Variants in ARFIP2 observed in about 807,000 individuals in gnomAD.
ARFIP2 encodes arfaptin-2.
A neutral mutation model predicts 39.2 loss-of-function variants in ARFIP2; 14 were observed. The observed-to-expected ratio is 0.36, with a 90% CI of 0.24 to 0.56. The LOEUF is 0.56. Ranked by LOEUF, ARFIP2 falls within the 20% of genes least tolerant of loss-of-function variation. ARFIP2 has a pLI of 0.85. For missense variants in ARFIP2, 305 were observed against 422.5 expected, an observed-to-expected ratio of 0.72 and a Z score of 2.44; for synonymous variants, 167 against 172.4, an observed-to-expected ratio of 0.97 and a Z score of 0.24.
At position 6,477,078 on chromosome 11, in the gene ARFIP2, G is replaced by A; in HGVS notation, c.*35C>T. On this transcript the variant is annotated 3_prime_UTR_variant, in exon 8 of 8. Coordinates refer to ENST00000396777, the MANE Select transcript of ARFIP2 (RefSeq NM_001376558.2). This position sits in a 1 kb window ranked among gnomAD's most constrained non-coding sequence, Gnocchi z 4.8. Reference sequence around the variant, plus strand: ...ACACCCTGGGGCTGCCCTTCCCAATGTCTTTCTTGATAGCCAAGTTGGGCT... The same window carrying A: ...ACACCCTGGGGCTGCCCTTCCCAATATCTTTCTTGATAGCCAAGTTGGGCT... 1.3e-6 allele frequency: 2 copies of A among 1,588,956 alleles called. No individual in the cohort carries two copies. The highest frequency in any genetic ancestry group is 1.7e-6 in the Non-Finnish European group (2 of 1,163,904).
In ARFIP2 at chr11:6,477,573, C is replaced by G. The variant is rs1049305924; in HGVS notation, c.870+145G>C. The G allele has an allele frequency of 1.2e-4, 116 of 951,856 alleles. No homozygotes were observed. The highest frequency in any genetic ancestry group is 1.6e-4 in the Non-Finnish European group (105 of 655,156). 59.0% of individuals were successfully genotyped at this position (951,856 alleles called of 1,614,324 possible). ...GGCCAGGAATTGGAGGGAGGGTGAT[C>G]TGGAAAGGCCCAGGGGTTGAGGGGG... On this transcript the variant is annotated intron_variant, in intron 7 of 7. Transcript: ENST00000396777. This position sits in a 1 kb window ranked among gnomAD's most constrained non-coding sequence, Gnocchi z 4.8.
In ARFIP2 at chr11:6,477,912, G is replaced by C. The variant is rs748735735; in HGVS notation, c.696-20C>G. 6.2e-7 allele frequency: 1 copy of C among 1,613,034 alleles called. No homozygotes were observed. On this transcript the variant is annotated intron_variant, in intron 6 of 7. Transcript: ENST00000396777. The surrounding 1 kb of genome is among the most constrained non-coding windows in gnomAD (Gnocchi z 4.8). ...TCCAGCCTGGGGAGGGGGTGATAAAGGCTGGTCTCCACTCCTTTATCCTCA... is the reference window on the plus strand; with the variant it reads ...TCCAGCCTGGGGAGGGGGTGATAAACGCTGGTCTCCACTCCTTTATCCTCA...
chr11:6,479,481 G>C, intron 3 of ARFIP2: 1 of 742,560 alleles, frequency 1.3e-6, no homozygotes, highest in Non-Finnish European at 2.2e-6. Flanking sequence ...GGGGTTTGCA[G>C]GGAGTTGTTG....
At chr11:6,480,566 C>T in intron 1 of ARFIP2, 103 bp from the exon 2 acceptor site, 1 of 619,126 alleles carries the variant, frequency 1.6e-6, no homozygotes, top group Non-Finnish European at 2.7e-6. Context: ...TTGAGTGTCC[C>T]AGCGTTTGGC....
chr11:6,479,306 C>T, intron 3 of ARFIP2, 48 bp from the exon 4 acceptor site: 1 of 1,613,266 alleles, frequency 6.2e-7, no homozygotes, highest in Non-Finnish European at 8.5e-7. Context: ...ATACACCAGA[C>T]ACCTCTGTGG....
chr11:6,479,285 G>A, intron 3 of ARFIP2, 27 bp from the exon 4 acceptor site: 1 of 1,613,814 alleles, frequency 6.2e-7, no homozygotes, highest in Non-Finnish European at 8.5e-7. Flanking sequence ...TCTGACACCA[G>A]CCTCTCTCAG....
At position 6,481,325 on chromosome 11, in the gene ARFIP2, G is replaced by T. The variant is rs961807308; in HGVS notation, c.-137C>A. 3.6e-6 allele frequency: 3 copies of T among 838,306 alleles called. No individual in the cohort carries two copies. Among genetic ancestry groups the T allele is most frequent in the Admixed American group, 5.0e-5 (2 of 39,632 alleles). 51.9% of individuals were successfully genotyped at this position (838,306 alleles called of 1,614,324 possible). A position where few individuals can be genotyped will look rare whatever the true frequency, so the allele number is the denominator to read the frequency against. On this transcript the variant is annotated 5_prime_UTR_variant, in exon 1 of 8. In the 5' UTR this introduces an upstream ATG that the reference lacks. Coordinates refer to ENST00000396777, the MANE Select transcript of ARFIP2 (RefSeq NM_001376558.2). Reference sequence around the variant, plus strand: ...CCGTCGCGATCCTAGCAGCAGGTCAGGGACTCGGCGGAAATGACGTCCTCT... The same window carrying T: ...CCGTCGCGATCCTAGCAGCAGGTCATGGACTCGGCGGAAATGACGTCCTCT...
intron 3 of ARFIP2, 196 bp downstream of exon 3, chr11:6,479,776 G>T: frequency 1.7e-6 from 1 of 603,274 alleles, no homozygotes; most frequent in Non-Finnish European, 2.9e-6. Flanking sequence ...CATTTCAGGG[G>T]CTAAGTGGCA....
Position 6,478,609 on chromosome 11 carries a change from T to TG in ARFIP2, c.537+128dup. ...GGCTGCCTCCACAGGTGAGTGCTGCTGGGGGTAGGGCTGGGCCCACCCTGA... is the reference window on the plus strand; with the variant it reads ...GGCTGCCTCCACAGGTGAGTGCTGCTGGGGGGTAGGGCTGGGCCCACCCTGA... On this transcript the variant is annotated intron_variant, in intron 5 of 7. Coordinates refer to ENST00000396777, the MANE Select transcript of ARFIP2 (RefSeq NM_001376558.2). This position sits in a 1 kb window ranked among gnomAD's most constrained non-coding sequence, Gnocchi z 4.8. 2 of 1,478,608 alleles carry TG rather than the reference T, an allele frequency of 1.4e-6. No individual in the cohort carries two copies. The highest frequency in any genetic ancestry group is 1.8e-6 in the Non-Finnish European group (2 of 1,113,556). 91.6% of individuals were successfully genotyped at this position (1,478,608 alleles called of 1,614,324 possible).
Position 6,479,225 on chromosome 11 carries a change from G to T in ARFIP2, c.230C>A (p.Pro77His). ...AGCCACCTCATCTCCAGGGCCAGAA[G>T]GAGTGGTGCTGTGAGATGGATGGCG... ...SGRHPSHSTT[P>H]SGPGDEVARG... The change falls in exon 4 of 8, where the codon CCT becomes CAT. Residue 77 changes from proline to histidine, a missense_variant. Transcript: ENST00000396777. 4 of 1,614,174 alleles carry T rather than the reference G, an allele frequency of 2.5e-6. No individual in the cohort carries two copies. The highest frequency in any genetic ancestry group is 1.7e-6 in the Non-Finnish European group (2 of 1,180,046).
intron 3 of ARFIP2, 169 bp downstream of exon 3, chr11:6,479,803 A>G: frequency 4.5e-6 from 3 of 667,094 alleles, no homozygotes; most frequent in Non-Finnish European, 7.7e-6. Flanking sequence ...AAATGGATGG[A>G]CAACGCTGGG....
chr11:6,480,177 A>C, intron 2 of ARFIP2, 109 bp from the exon 3 acceptor site: 1 of 1,274,586 alleles, frequency 7.8e-7, no homozygotes, highest in Non-Finnish European at 1.1e-6. Context: ...ACACAAGGGA[A>C]GTCTGCACAG....
Position 6,476,966 on chromosome 11 carries a change from T to C in ARFIP2, c.*147A>G, listed in dbSNP as rs1851137864. On this transcript the variant is annotated 3_prime_UTR_variant, in exon 8 of 8. Transcript: ENST00000396777. ...AGGCCCTCTTCCCACCATAGCAATG[T>C]GGGCAAAACTGGTGTCAGGCCCCAG... 3.3e-6 allele frequency: 3 copies of C among 921,682 alleles called. No individual in the cohort carries two copies. In the East Asian group the frequency reaches 8.1e-5, roughly 25 times the overall value. 57.1% of individuals were successfully genotyped at this position (921,682 alleles called of 1,614,324 possible).
intron 3 of ARFIP2, 25 bp downstream of exon 3, chr11:6,479,947 G>T: frequency 6.2e-7 from 1 of 1,608,346 alleles, no homozygotes; most frequent in Non-Finnish European, 8.5e-7. Context: ...CTCCACCCAA[G>T]ATTCCTGTTT....
Position 6,480,304 on chromosome 11 carries a change from A to T in ARFIP2, c.99+19T>A. The T allele has an allele frequency of 6.2e-7, 1 of 1,608,106 alleles. No individual in the cohort carries two copies. The highest frequency in any genetic ancestry group is 8.5e-7 in the Non-Finnish European group (1 of 1,176,930). ...TGGATTCCTAAATTGAAACAATTAG[A>T]AGAATCAAACAGAAGCACCTGCTCC... is the stretch of plus-strand genomic sequence containing the variant. On this transcript the variant is annotated intron_variant, in intron 2 of 7. Coordinates refer to ENST00000396777, the MANE Select transcript of ARFIP2 (RefSeq NM_001376558.2).
At position 6,478,073 on chromosome 11, in the gene ARFIP2, C is replaced by A; in HGVS notation, c.663G>T (p.Thr221=). The change falls in exon 6 of 8, where the codon ACG becomes ACT. Residue 221 remains threonine (T), a synonymous_variant. Coordinates refer to ENST00000396777, the MANE Select transcript of ARFIP2 (RefSeq NM_001376558.2). This position sits in a 1 kb window ranked among gnomAD's most constrained non-coding sequence, Gnocchi z 4.8. ...CCTCATACTGTTTCACAGTCATGAG[C>A]GTGTCTTCCATGGTCTTGGTGACCA... ...NTLVTKTMED[T]LMTVKQYEAA... 2 of 1,614,072 alleles carry A rather than the reference C, an allele frequency of 1.2e-6. No homozygotes were observed. Among genetic ancestry groups the A allele is most frequent in the South Asian group, 1.1e-5 (1 of 91,080 alleles).
At chr11:6,481,155 C>G (rs1487333711) in intron 1 of ARFIP2, 76 bp downstream of exon 1, 10 of 450,632 alleles carry the variant, frequency 2.2e-5, no homozygotes, top group Non-Finnish European at 4.0e-5. Flanking sequence ...TCATCCTTCC[C>G]CGGGGCTCGG....
In ARFIP2 at chr11:6,477,822, C is replaced by T. The variant is rs769062354; in HGVS notation, c.766G>A (p.Gly256Ser). ...SLGPRDAGTR[G>S]RLESAQATFQ... ...GTGGCCTGGGCACTCTCAAGTCGAC[C>T]ACGTGTCCCTGCATCCCGGGGGCCT... The change falls in exon 7 of 8, where the codon GGT becomes AGT. Residue 256 changes from glycine to serine, a missense_variant. By Grantham distance (56) the Gly-to-Ser change is moderately conservative (BLOSUM62 0). Around this residue, in one of 3 missense-constraint regions of ARFIP2, gnomAD observed 112 missense variants for 118.2 expected, o/e 0.95. Transcript: ENST00000396777. The surrounding 1 kb of genome is among the most constrained non-coding windows in gnomAD (Gnocchi z 4.8). 6.2e-7 allele frequency: 1 copy of T among 1,614,002 alleles called. No homozygotes were observed. Among genetic ancestry groups the T allele is most frequent in the Non-Finnish European group, 8.5e-7 (1 of 1,179,950 alleles).
intron 3 of ARFIP2, chr11:6,479,738 G>C (rs1851516892): frequency 1.8e-6 from 1 of 570,286 alleles, no homozygotes; most frequent in African/African-American, 1.9e-5. Context: ...ACTTGACTCA[G>C]GTGGTGGCAG....
Sources: gnomAD v4.1 joint callset for allele counts on GRCh38, gnomAD v4.1.1 for gene constraint, gnomAD v4.1.1 regional missense constraint, Gnocchi (gnomAD v3.1) non-coding constraint, MANE v1.5 for transcripts, NCBI Gene and HGNC (gene_info 2026-07-23, HGNC 2026-07-21) for gene names.